DAB1: variants seen among roughly 807,000 people sequenced by gnomAD.
DAB1 encodes DAB adaptor protein 1.
A neutral mutation model predicts 64.6 loss-of-function variants in DAB1; 15 were observed. The ratio of observed to expected loss-of-function variants is 0.23; its 90% CI spans 0.16 to 0.36. The LOEUF is 0.36. DAB1 is among the 10% of genes least tolerant of loss of function. The probability of loss-of-function intolerance (pLI) is 1.00; values close to 1 mark genes in which losing one functional copy is unlikely to be tolerated. For missense variants in DAB1, 596 were observed against 706.7 expected, an observed-to-expected ratio of 0.84 and a Z score of 1.78; for synonymous variants, 235 against 251.9, an observed-to-expected ratio of 0.93 and a Z score of 0.64.
chr1:58,336,450 G>GT (rs1163692087), intron 4 of DAB1, among the ~76,000 whole-genome samples: 1 of 152,138 alleles, frequency 6.6e-6, no homozygotes, highest in Non-Finnish European at 1.5e-5. Flanking sequence ...AGTAATAATA[G>GT]TAGCTTATGT....
intron 4 of DAB1, among the ~76,000 whole-genome samples, chr1:58,310,524 C>T (rs550382479): frequency 2.0e-5 from 3 of 152,258 alleles, no homozygotes; most frequent in African/African-American, 7.2e-5. Context: ...TCTCTTGATT[C>T]AACAATGCCT....
At chr1:57,021,622 G>T (rs116572879) in intron 11 of DAB1, among the ~76,000 whole-genome samples, 211 of 152,272 alleles carry the variant, frequency 1.4e-3, no homozygotes, top group African/African-American at 4.8e-3. Context: ...GGAACAGTGA[G>T]TCCATTAAAA....
intron 2 of DAB1, among the ~76,000 whole-genome samples, chr1:57,187,959 A>T (rs548309503): frequency 6.6e-6 from 1 of 152,266 alleles, no homozygotes; most frequent in African/African-American, 2.4e-5. Context: ...ACAAGGAGAG[A>T]GAGGTCCTCT....
intron 2 of DAB1, among the ~76,000 whole-genome samples, chr1:58,520,715 G>A (rs1485244973): frequency 6.6e-6 from 1 of 152,038 alleles, no homozygotes; most frequent in African/African-American, 2.4e-5. Context: ...TATTACTAGA[G>A]ACAGTGATTT....
At chr1:58,426,511 A>G (rs1644823097) in intron 3 of DAB1, among the ~76,000 whole-genome samples, 1 of 152,216 alleles carries the variant, frequency 6.6e-6, no homozygotes, top group Admixed American at 6.5e-5. Flanking sequence ...GCAGTCAACA[A>G]GCTGGAGATC....
At chr1:57,942,490 T>C (rs1398189470) in intron 5 of DAB1, among the ~76,000 whole-genome samples, 2 of 152,226 alleles carry the variant, frequency 1.3e-5, no homozygotes, top group Non-Finnish European at 2.9e-5. Flanking sequence ...GTTAATCAGA[T>C]CCTACATTCC....
chr1:57,114,135 A>T (rs1211269965), intron 4 of DAB1, among the ~76,000 whole-genome samples: 2 of 152,192 alleles, frequency 1.3e-5, no homozygotes, highest in African/African-American at 4.8e-5. Flanking sequence ...CTATGTTCTC[A>T]TCTGCATCCC....
Position 57,011,136 on chromosome 1 carries a change from G to T in DAB1, c.1572+9C>A. 6.2e-7 allele frequency: 1 copy of T among 1,613,814 alleles called. No homozygotes were observed. Among genetic ancestry groups the T allele is most frequent in the Non-Finnish European group, 8.5e-7 (1 of 1,179,806 alleles). On this transcript the variant is annotated intron_variant, in intron 13 of 14. Transcript: ENST00000371236. ...AAAAACACAAACAAATAACAAACTG[G>T]TCACTTACAGCTTCTTGCTCTTCGC...
rs887718947 is a variant in DAB1 at position 57,135,067 on chromosome 1, G to A, written c.306+1476C>T. 5.3e-5 allele frequency among the ~76,000 whole-genome samples: 8 copies of A among 152,088 alleles called. No individual in the cohort carries two copies. In the East Asian group the frequency reaches 7.7e-4, roughly 15 times the overall value. On this transcript the variant is annotated intron_variant, in intron 4 of 14. Transcript: ENST00000371236. ...GTACATGGGAGGTACTCAATAATGC[G>A]AGTTACACCTAGCTATTTTTTATTT...
intron 7 of DAB1, among the ~76,000 whole-genome samples, chr1:57,478,859 C>T (rs1040530931): frequency 2.0e-5 from 3 of 151,990 alleles, no homozygotes; most frequent in Non-Finnish European, 4.4e-5. Context: ...CTCGGACTCC[C>T]AAAGTGCTGG....
chr1:58,479,828 C>A (rs1367205924), intron 3 of DAB1, among the ~76,000 whole-genome samples: 1 of 152,100 alleles, frequency 6.6e-6, no homozygotes, highest in South Asian at 2.1e-4. Flanking sequence ...TATTATGTAA[C>A]TTCTCGAAGC....
At chr1:57,047,892 C>T (rs17114879) in intron 9 of DAB1, among the ~76,000 whole-genome samples, 13,664 of 152,230 alleles carry the variant, frequency 0.09, 751 homozygotes, top group Non-Finnish European at 0.13. Flanking sequence ...CCATCTTCGT[C>T]GCTGGGGCAG....
chr1:57,334,028 G>C (rs1020404086), intron 1 of DAB1, among the ~76,000 whole-genome samples: 2 of 152,122 alleles, frequency 1.3e-5, no homozygotes, highest in Non-Finnish European at 2.9e-5. Context: ...TGGGGGAAAG[G>C]GAAACCAAAA....
At chr1:58,419,272 TA>T (rs1181835102) in intron 3 of DAB1, among the ~76,000 whole-genome samples, 2 of 152,178 alleles carry the variant, frequency 1.3e-5, no homozygotes, top group East Asian at 3.8e-4. Flanking sequence ...TATGAAACCA[TA>T]AGACTCTCTA....
At chr1:57,109,351 T>C (rs1655449780) in intron 4 of DAB1, among the ~76,000 whole-genome samples, 1 of 152,182 alleles carries the variant, frequency 6.6e-6, no homozygotes, top group South Asian at 2.1e-4. Flanking sequence ...CCTTAGTTTA[T>C]TCATGCTTGT....
intron 2 of DAB1, among the ~76,000 whole-genome samples, chr1:57,273,770 C>T (rs953119108): frequency 1.6e-4 from 24 of 151,894 alleles, no homozygotes; most frequent in African/African-American, 5.6e-4. Context: ...TCCTCACCTC[C>T]TATGTTTGAC....
At chr1:58,236,440 T>C (rs747944007) in intron 4 of DAB1, among the ~76,000 whole-genome samples, 20 of 152,008 alleles carry the variant, frequency 1.3e-4, no homozygotes, top group Non-Finnish European at 2.6e-4. Flanking sequence ...CAGCACCCGC[T>C]TACTTAAGAT....
chr1:57,888,896 G>T (rs1451610809), upstream of DAB1, among the ~76,000 whole-genome samples: 1 of 152,318 alleles, frequency 6.6e-6, no homozygotes, highest in Non-Finnish European at 1.5e-5. Context: ...TCTGGGGACA[G>T]ATTCTCCTAC....
chr1:57,905,078 C>T (rs113648618), intron 5 of DAB1, among the ~76,000 whole-genome samples: 1 of 152,010 alleles, frequency 6.6e-6, no homozygotes, highest in Admixed American at 6.6e-5. Flanking sequence ...TTATTGCTCA[C>T]AATAACCATA....
Sources: allele counts gnomAD v4.1 joint callset (sites outside exome capture counted in the v4.1 genomes callset), GRCh38; gene constraint gnomAD v4.1.1; transcripts MANE v1.5; gene names NCBI Gene and HGNC (gene_info 2026-07-23, HGNC 2026-07-21).